ASIP: variants seen among roughly 807,000 people sequenced by gnomAD.
The protein encoded by ASIP is agouti signaling protein, also known as agouti-signaling protein.
A neutral mutation model predicts 10.3 loss-of-function variants in ASIP; 11 were observed. That is an observed-to-expected ratio of 1.07 (90% CI 0.68 to 1.78). The LOEUF is 1.78. Ranked by LOEUF, ASIP falls within the 40% of genes most tolerant of loss-of-function variation. The pLI is 0.00. For synonymous variants in ASIP, 70 were observed against 70.8 expected, an observed-to-expected ratio of 0.99 and a Z score of 0.06; for missense variants, 180 against 169.2, an observed-to-expected ratio of 1.06 and a Z score of -0.35.
intron 1 of ASIP, among the ~76,000 whole-genome samples, chr20:34,207,853 G>T (rs769472766): frequency 1.3e-5 from 2 of 151,750 alleles, no homozygotes; most frequent in Non-Finnish European, 2.9e-5. Context: ...GCAGTGGCAC[G>T]ATCTGGGCTC....
intron 1 of ASIP, among the ~76,000 whole-genome samples, chr20:34,231,837 G>A (rs907835190): frequency 6.6e-6 from 1 of 152,156 alleles, no homozygotes; most frequent in African/African-American, 2.4e-5. Context: ...AAATTAAAAA[G>A]ACTGACCATA....
chr20:34,258,434 G>A (rs1248862597), intron 1 of ASIP, among the ~76,000 whole-genome samples: 1 of 149,918 alleles, frequency 6.7e-6, no homozygotes, highest in Admixed American at 6.7e-5. Context: ...TGTGAGAAGG[G>A]CAAATAAGTA....
rs2034993742 is a variant in ASIP at position 34,214,349 on chromosome 20, A to G, written c.-11+19589A>G. 6.9e-6 allele frequency: 9 copies of G among 1,307,470 alleles called. No individual in the cohort carries two copies. The Admixed American group carries it at 1.5e-4, about 22-fold the overall frequency. The allele number at this position is 1,307,470 out of a possible 1,614,324, so 81.0% of individuals were successfully genotyped here. On this transcript the variant is annotated intron_variant, in intron 1 of 3. Coordinates refer to the ASIP transcript ENST00000568305. ...TGAAAAACTTTTCATATCTAACAAC[A>G]GTTTCGAAGAACTCCAACGTCACAG... is the stretch of plus-strand genomic sequence containing the variant.
intron 1 of ASIP, among the ~76,000 whole-genome samples, chr20:34,259,311 G>A (rs1601611272): frequency 6.6e-6 from 1 of 151,962 alleles, no homozygotes; most frequent in Admixed American, 6.6e-5. Context: ...ACAAGAGTTC[G>A]AGACCAGCCT....
At chr20:34,268,746 AAAAC>A (rs572384664) in intron 3 of ASIP, among the ~76,000 whole-genome samples, 36 of 148,192 alleles carry the variant, frequency 2.4e-4, no homozygotes, top group African/African-American at 3.5e-4. Context: ...AAAAAAACAA[AAAAC>A]AAACAAACAA....
chr20:34,233,143 C>CTTTTTTTTT (rs755217642), intron 1 of ASIP, among the ~76,000 whole-genome samples: 2 of 100,314 alleles, frequency 2.0e-5, no homozygotes, highest in African/African-American at 8.6e-5. Context: ...GGGACAAGAG[C>CTTTTTTTTT]TTTTTTTTTT....
At chr20:34,235,837 GAAA>G (rs1568755903) in intron 1 of ASIP, among the ~76,000 whole-genome samples, 99 of 59,750 alleles carry the variant, frequency 1.7e-3, no homozygotes, top group African/African-American at 8.2e-3. Context: ...AAGAAAGAAA[GAAA>G]GAAGGAAGGA....
intron 1 of ASIP, among the ~76,000 whole-genome samples, chr20:34,200,449 G>A (rs1462165687): frequency 1.2e-4 from 19 of 152,218 alleles, no homozygotes; most frequent in Non-Finnish European, 2.5e-4. Flanking sequence ...AAATGACAGT[G>A]CAACATCTTA....
intron 1 of ASIP, among the ~76,000 whole-genome samples, chr20:34,218,281 C>A (rs901767809): frequency 2.0e-5 from 3 of 152,096 alleles, no homozygotes; most frequent in African/African-American, 7.2e-5. Context: ...TAAAAAACTC[C>A]CACAAATCCT....
chr20:34,193,557 C>A (rs2034837281), upstream of ASIP, among the ~76,000 whole-genome samples: 1 of 152,018 alleles, frequency 6.6e-6, no homozygotes, highest in Admixed American at 6.6e-5. Flanking sequence ...GGGCTAACAG[C>A]ATATGGGTAA....
rs190266302 is a variant in ASIP, at chr20:34,195,723, C to T, written c.-11+963C>T. ...AAAAACAGAATATACCAGACTCTTGCTTTGGAGCTCTTGCAAATTCAAGTA... is the reference window on the plus strand; with the variant it reads ...AAAAACAGAATATACCAGACTCTTGTTTTGGAGCTCTTGCAAATTCAAGTA... On this transcript the variant is annotated intron_variant, in intron 1 of 3. Coordinates refer to the ASIP transcript ENST00000568305. Among the ~76,000 whole-genome samples the T allele has an allele frequency of 3.0e-3, 455 of 152,298 alleles. 1 individual carries two copies. Among genetic ancestry groups the T allele is most frequent in the African/African-American group, 1.0e-2 (415 of 41,562 alleles).
chr20:34,260,322 A>G, intron 1 of ASIP, 43 bp from the exon 2 acceptor site: 2 of 1,565,478 alleles, frequency 1.3e-6, no homozygotes, highest in East Asian at 4.5e-5. Flanking sequence ...TCTTACCATT[A>G]CCCCTGACCC....
intron 1 of ASIP, among the ~76,000 whole-genome samples, chr20:34,251,148 C>T (rs1020834697): frequency 3.9e-5 from 6 of 152,192 alleles, no homozygotes; most frequent in African/African-American, 1.2e-4. Context: ...CTTGTACAAA[C>T]TTTCCATGAC....
chr20:34,252,282 A>G (rs1211878196), intron 1 of ASIP, among the ~76,000 whole-genome samples: 1 of 152,216 alleles, frequency 6.6e-6, no homozygotes, highest in Admixed American at 6.5e-5. Flanking sequence ...GAGTTCCCTC[A>G]GTATTTATTG....
At chr20:34,263,762 G>A (rs1050555919) in intron 3 of ASIP, among the ~76,000 whole-genome samples, 12 of 150,936 alleles carry the variant, frequency 8.0e-5, no homozygotes, top group African/African-American at 1.5e-4. Flanking sequence ...TTCACCTGGC[G>A]AGTTCAAGCG....
At chr20:34,232,924 A>G (rs2035131778) in intron 1 of ASIP, among the ~76,000 whole-genome samples, 1 of 152,156 alleles carries the variant, frequency 6.6e-6, no homozygotes, top group African/African-American at 2.4e-5. Flanking sequence ...GCAGTGCTGG[A>G]TCTAAGGGAC....
At position 34,218,695 on chromosome 20, in the gene ASIP, T is replaced by C. The variant is rs140155079; in HGVS notation, c.-11+23935T>C. 1.0e-3 allele frequency among the ~76,000 whole-genome samples: 153 copies of C among 152,020 alleles called. 1 individual carries two copies. Among genetic ancestry groups the C allele is most frequent in the African/African-American group, 3.6e-3 (151 of 41,466 alleles). On this transcript the variant is annotated intron_variant, in intron 1 of 3. Transcript: ENST00000568305. ...TGTGTCCTTTTCAGCAATTTTTTTT[T>C]TTTTGAGACCAGGCTGGAGTGCAGT...
chr20:34,202,818 T>G, intron 1 of ASIP, among the ~76,000 whole-genome samples: 1 of 144,464 alleles, frequency 6.9e-6, no homozygotes, highest in African/African-American at 2.6e-5. Context: ...TTTTTTTTTT[T>G]TTTTTTTCGA....
chr20:34,268,588 T>C (rs2035828970), intron 3 of ASIP, among the ~76,000 whole-genome samples: 1 of 151,702 alleles, frequency 6.6e-6, no homozygotes. Flanking sequence ...AAAATAAATT[T>C]AGCCAAGCGT....
Sources: gnomAD v4.1 joint callset for allele counts (sites outside exome capture counted in the v4.1 genomes callset) on GRCh38, gnomAD v4.1.1 for gene constraint, MANE v1.5 for transcripts, NCBI Gene and HGNC (gene_info 2026-07-23, HGNC 2026-07-21) for gene names.